Variants in CCDC82 observed in about 807,000 individuals in gnomAD.
CCDC82 encodes coiled-coil domain containing 82, also known as coiled-coil domain-containing protein 82.
A neutral mutation model predicts 60.6 loss-of-function variants in CCDC82; 47 were observed. That is an observed-to-expected ratio of 0.77 (90% CI 0.61 to 0.99). The LOEUF (loss-of-function observed/expected upper bound fraction) is 0.99, where lower values mean the gene tolerates loss of function less well. Among genes scored for constraint, CCDC82 ranks in the 50% least tolerant of loss-of-function variants. CCDC82 has a pLI of 0.00. For missense variants in CCDC82, 588 were observed against 633.0 expected, an observed-to-expected ratio of 0.93 and a Z score of 0.76; for synonymous variants, 212 against 207.4, an observed-to-expected ratio of 1.02 and a Z score of -0.19.
chr11:96,357,126 A>G, intron 9 of CCDC82: 1 of 985,470 alleles, frequency 1.0e-6, no homozygotes, highest in African/African-American at 1.7e-5. Context: ...ACACAGTGAG[A>G]GGGACAGACA....
chr11:96,381,339 G>A (rs1377774195), intron 5 of CCDC82: 1 of 151,662 alleles, frequency 6.6e-6, no homozygotes, highest in Non-Finnish European at 1.5e-5. Context: ...AACTTGCAGT[G>A]TAGAGATAAC....
At position 96,365,168 on chromosome 11, in the gene CCDC82, A is replaced by G. The variant is rs929813019; in HGVS notation, c.1210-18T>C. On this transcript the variant is annotated intron_variant, in intron 7 of 9. Transcript: ENST00000646818. The stretch of plus-strand genomic sequence containing the variant: ...ACTCGCTCCTGAAAACAAAAAATAT[A>G]AAAAAAAGTTTAAAAGATAAAGAAT... 2 of 1,435,730 alleles carry G rather than the reference A, an allele frequency of 1.4e-6. No individual in the cohort carries two copies. The highest frequency in any genetic ancestry group is 1.9e-6 in the Non-Finnish European group (2 of 1,061,320). The allele number at this position is 1,435,730 out of a possible 1,614,324, so 88.9% of individuals were successfully genotyped here.
intron 7 of CCDC82, among the ~76,000 whole-genome samples, chr11:96,368,588 T>C (rs904029702): frequency 2.0e-5 from 3 of 152,074 alleles, no homozygotes; most frequent in African/African-American, 7.2e-5. Flanking sequence ...GATGGTAGGC[T>C]GGGTGCAGTG....
At chr11:96,373,285 T>C in intron 6 of CCDC82, 90 bp downstream of exon 6, 1 of 748,962 alleles carries the variant, frequency 1.3e-6, no homozygotes, top group Non-Finnish European at 2.2e-6. Flanking sequence ...TCATTGGTTT[T>C]GTTTAATCTA....
intron 9 of CCDC82, chr11:96,356,227 A>C (rs1000491223): frequency 6.3e-6 from 1 of 159,368 alleles, no homozygotes; most frequent in Admixed American, 6.5e-5. Flanking sequence ...CCATGCTTTG[A>C]GAAACATCAG....
At chr11:96,360,028 A>G (rs1864559425) in intron 8 of CCDC82, among the ~76,000 whole-genome samples, 1 of 150,718 alleles carries the variant, frequency 6.6e-6, no homozygotes, top group Non-Finnish European at 1.5e-5. Flanking sequence ...CTCTTTCAGA[A>G]TGTTTTGAAT....
chr11:96,384,365 T>C lies in CCDC82; in HGVS notation c.383A>G (p.Lys128Arg), dbSNP rs3748261. ...HRNIDLQDQE[K>R]HLSQEDNDLN... ...ATCATTATCCTCTTGACTTAAATGTTTTTCCTGATCTTGTAAGTCAATATT... is the reference window on the plus strand; with the variant it reads ...ATCATTATCCTCTTGACTTAAATGTCTTTCCTGATCTTGTAAGTCAATATT... The change falls in exon 4 of 10, where the codon AAA becomes AGA. Residue 128 changes from lysine to arginine, a missense_variant. Lys to Arg is a conservative substitution (Grantham distance 26, BLOSUM62 2). Coordinates refer to ENST00000646818, the MANE Select transcript of CCDC82 (RefSeq NM_024725.4). 306 of 1,613,794 alleles carry C rather than the reference T, an allele frequency of 1.9e-4. 2 individuals are homozygous for C. In the East Asian group the frequency reaches 6.8e-3, roughly 36 times the overall value.
intron 3 of CCDC82, chr11:96,385,245 A>T (rs113700548): frequency 0.012 from 1,800 of 152,848 alleles, 30 homozygotes; most frequent in African/African-American, 0.041. Flanking sequence ...GAAAGAACGA[A>T]AGAAAAAGGG....
chr11:96,385,817 T>C (rs1199078696), intron 3 of CCDC82: 3 of 151,998 alleles, frequency 2.0e-5, no homozygotes, highest in African/African-American at 7.2e-5. Context: ...CTAGAAAAAA[T>C]AACATATGTA....
chr11:96,383,042 G>C (rs1161595662), intron 5 of CCDC82: 2 of 396,756 alleles, frequency 5.0e-6, no homozygotes, highest in Non-Finnish European at 8.9e-6. Context: ...GGTAAATATT[G>C]ACAGGCATAA....
At chr11:96,389,468 C>T (rs1337380738) in intron 1 of CCDC82, 1 of 152,406 alleles carries the variant, frequency 6.6e-6, no homozygotes, top group African/African-American at 2.4e-5. Context: ...ACCCTCAGGC[C>T]AAGCTTCGCG....
In CCDC82 at chr11:96,384,340, A is replaced by G; in HGVS notation, c.408T>C (p.Asp136=). The G allele has an allele frequency of 6.2e-7, 1 of 1,613,698 alleles. No individual in the cohort carries two copies. The highest frequency in any genetic ancestry group is 1.1e-5 in the South Asian group (1 of 91,062). ...QEKHLSQEDN[D]LNKQTGQIIE... is the part of the protein sequence containing the mutation. ...TTATTTGTCCAGTTTGTTTGTTGAG[A>G]TCATTATCCTCTTGACTTAAATGTT... The change falls in exon 4 of 10, where the codon GAT becomes GAC. Residue 136 remains aspartate (D), a synonymous_variant. Transcript: ENST00000646818.
intron 9 of CCDC82, chr11:96,356,474 C>G (rs931810013): frequency 1.0e-6 from 1 of 985,322 alleles, no homozygotes; most frequent in Non-Finnish European, 1.2e-6. Flanking sequence ...TTCTTTACTA[C>G]CTGGTGTTTA....
chr11:96,363,370 G>T (rs918150587), intron 8 of CCDC82: 3 of 151,976 alleles, frequency 2.0e-5, no homozygotes, highest in Admixed American at 6.6e-5. Context: ...ATAAATTTTT[G>T]TAAGTCATTC....
intron 9 of CCDC82, chr11:96,355,068 T>C (rs964356060): frequency 6.6e-6 from 1 of 152,156 alleles, no homozygotes; most frequent in Non-Finnish European, 1.5e-5. Flanking sequence ...ACTTAGGAAT[T>C]TTCTTTGGCC....
chr11:96,378,899 GA>G (rs1565317628), intron 5 of CCDC82, among the ~76,000 whole-genome samples: 1 of 151,966 alleles, frequency 6.6e-6, no homozygotes, highest in African/African-American at 2.4e-5. Flanking sequence ...TAGCAAGAGG[GA>G]AACTACCCTG....
intron 8 of CCDC82, among the ~76,000 whole-genome samples, chr11:96,361,737 T>C (rs950391330): frequency 4.6e-5 from 7 of 152,322 alleles, no homozygotes; most frequent in African/African-American, 1.4e-4. Context: ...TATAAAATAC[T>C]AAAACAGGTA....
At chr11:96,375,123 A>C (rs1865498116) in intron 5 of CCDC82, among the ~76,000 whole-genome samples, 1 of 152,222 alleles carries the variant, frequency 6.6e-6, no homozygotes. Flanking sequence ...AAATGGTATT[A>C]AGAGAAACTG....
At chr11:96,389,525 T>C (rs192031236) in intron 1 of CCDC82, 1 of 151,964 alleles carries the variant, frequency 6.6e-6, no homozygotes, top group Non-Finnish European at 1.5e-5. Flanking sequence ...AAAAGAGCTC[T>C]GCACCGAGAA....
Sources: gnomAD v4.1 joint callset for allele counts (sites outside exome capture counted in the v4.1 genomes callset) on GRCh38, gnomAD v4.1.1 for gene constraint, MANE v1.5 for transcripts, NCBI Gene and HGNC (gene_info 2026-07-23, HGNC 2026-07-21) for gene names.